Variants in PPM1E observed in about 807,000 individuals in gnomAD.
The protein encoded by PPM1E is protein phosphatase 1E.
PPM1E carries 20 observed loss-of-function variants against 65.9 expected under a neutral mutation model. The ratio of observed to expected loss-of-function variants is 0.30; its 90% CI spans 0.21 to 0.44. The LOEUF (loss-of-function observed/expected upper bound fraction) is 0.44. Among genes scored for constraint, PPM1E ranks in the 20% least tolerant of loss-of-function variants. PPM1E has a pLI of 1.00. For missense variants in PPM1E, 713 were observed against 953.1 expected, an observed-to-expected ratio of 0.75 and a Z score of 3.32; for synonymous variants, 352 against 374.9, an observed-to-expected ratio of 0.94 and a Z score of 0.70.
intron 1 of PPM1E, among the ~76,000 whole-genome samples, chr17:58,849,895 C>G (rs1293016588): frequency 6.6e-6 from 1 of 152,024 alleles, no homozygotes; most frequent in African/African-American, 2.4e-5. Flanking sequence ...TAAAGTCTCT[C>G]ATTATTGTGT....
intron 2 of PPM1E, among the ~76,000 whole-genome samples, chr17:58,964,534 T>C (rs937204543): frequency 1.6e-4 from 24 of 151,832 alleles, no homozygotes; most frequent in African/African-American, 5.3e-4. Context: ...ATAGGTGAAG[T>C]GGTAGACATA....
chr17:58,949,365 C>T (rs967300459), intron 1 of PPM1E, among the ~76,000 whole-genome samples: 23 of 152,184 alleles, frequency 1.5e-4, no homozygotes, highest in African/African-American at 5.5e-4. Flanking sequence ...TCCATCCCTT[C>T]ACTTTCAGTC....
chr17:58,853,375 C>T (rs1479109249), intron 1 of PPM1E, among the ~76,000 whole-genome samples: 2 of 152,084 alleles, frequency 1.3e-5, no homozygotes, highest in Non-Finnish European at 1.5e-5. Flanking sequence ...TATTTTTCTC[C>T]ACTGGATGGT....
At chr17:58,881,855 GAAAGA>G (rs757258249) in intron 1 of PPM1E, among the ~76,000 whole-genome samples, 63 of 151,316 alleles carry the variant, frequency 4.2e-4, no homozygotes, top group Non-Finnish European at 7.8e-4. Context: ...AAAAGAAAAG[GAAAGA>G]AAAGAAAAGA....
Position 58,981,135 on chromosome 17 carries a change from C to A in PPM1E, c.*104C>A. On this transcript the variant is annotated 3_prime_UTR_variant, in exon 7 of 7. Coordinates refer to ENST00000308249, the MANE Select transcript of PPM1E (RefSeq NM_014906.5). ...AAAACATATGTGCTTCATTATGAAT[C>A]CATGGATGGCTCAATTCTTAAATGT... 2 of 750,626 alleles carry A rather than the reference C, an allele frequency of 2.7e-6. No homozygotes were observed. The highest frequency in any genetic ancestry group is 2.0e-5 in the South Asian group (1 of 51,172). 46.5% of individuals were successfully genotyped at this position (750,626 alleles called of 1,614,324 possible). A position where few individuals can be genotyped will look rare whatever the true frequency, so the allele number is the denominator to read the frequency against.
chr17:58,820,027 A>G (rs958986548), intron 1 of PPM1E, among the ~76,000 whole-genome samples: 6 of 151,856 alleles, frequency 4.0e-5, no homozygotes, highest in Admixed American at 2.0e-4. Context: ...ACAAAGCCAG[A>G]CTCCATTTCA....
rs565115510 is a variant in PPM1E at position 58,813,163 on chromosome 17, T to C, written c.464+56702T>C. Among the ~76,000 whole-genome samples the C allele has an allele frequency of 2.0e-5, 3 of 152,342 alleles. No individual in the cohort carries two copies. In the South Asian group the frequency reaches 6.2e-4, roughly 32 times the overall value. ...CCCCTAAAGAAAACCCAGGATCTTT[T>C]ATGGCAGGCACTGTCTTCTACTTTT... On this transcript the variant is annotated intron_variant, in intron 1 of 6. Transcript: ENST00000308249.
intron 3 of PPM1E, among the ~76,000 whole-genome samples, chr17:58,967,867 G>A (rs912296409): frequency 4.6e-5 from 7 of 150,998 alleles, no homozygotes; most frequent in Admixed American, 2.0e-4. Context: ...GAAGTGGCGC[G>A]ATCTCGACTC....
In PPM1E at chr17:58,880,882, G is replaced by T. The variant is rs552296125; in HGVS notation, c.465-74767G>T. On this transcript the variant is annotated intron_variant, in intron 1 of 6. Transcript: ENST00000308249. ...AGCTCAAGCAATTTTTTTTTAAACTGGTGATGGTTCACAACTTGTGATACC... is the reference window on the plus strand; with the variant it reads ...AGCTCAAGCAATTTTTTTTTAAACTTGTGATGGTTCACAACTTGTGATACC... Among the ~76,000 whole-genome samples, 21 of 152,040 alleles carry T rather than the reference G, an allele frequency of 1.4e-4. No homozygotes were observed. In the East Asian group the frequency reaches 3.9e-3, roughly 28 times the overall value.
At chr17:58,964,015 A>G (rs748636909) in intron 2 of PPM1E, among the ~76,000 whole-genome samples, 6 of 152,260 alleles carry the variant, frequency 3.9e-5, no homozygotes, top group Admixed American at 6.5e-5. Flanking sequence ...CATTTAAAAA[A>G]TAATTTTGAA....
At chr17:58,883,053 C>T (rs1211840252) in intron 1 of PPM1E, among the ~76,000 whole-genome samples, 1 of 146,362 alleles carries the variant, frequency 6.8e-6, no homozygotes, top group Non-Finnish European at 1.5e-5. Context: ...CTCACGGGTT[C>T]AAGCAATTCT....
At chr17:58,779,856 TCTA>T (rs958782039) in intron 1 of PPM1E, among the ~76,000 whole-genome samples, 3 of 152,230 alleles carry the variant, frequency 2.0e-5, no homozygotes, top group African/African-American at 7.2e-5. Context: ...ATGTGATTAT[TCTA>T]CTACAACTTT....
At chr17:58,936,787 C>A (rs2051986722) in intron 1 of PPM1E, among the ~76,000 whole-genome samples, 1 of 152,102 alleles carries the variant, frequency 6.6e-6, no homozygotes, top group African/African-American at 2.4e-5. Flanking sequence ...TTATTATCAA[C>A]CCATGGTATT....
chr17:58,876,084 A>G (rs1423081810), intron 1 of PPM1E, among the ~76,000 whole-genome samples: 1 of 152,164 alleles, frequency 6.6e-6, no homozygotes, highest in African/African-American at 2.4e-5. Context: ...TGTATTATGA[A>G]CATAATTTTT....
chr17:58,967,318 TTATC>T (rs909608856), intron 3 of PPM1E, among the ~76,000 whole-genome samples: 5 of 152,238 alleles, frequency 3.3e-5, no homozygotes, highest in Admixed American at 6.5e-5. Context: ...AAATTGAAAA[TTATC>T]TAAATCATGA....
At chr17:58,899,329 AAAAAAAAC>A (rs1294402533) in intron 1 of PPM1E, 3 of 150,664 alleles carry the variant, frequency 2.0e-5, no homozygotes, top group Non-Finnish European at 4.4e-5. Flanking sequence ...GCCTGTCTCC[AAAAAAAAC>A]AAAAAAACAA....
At chr17:58,887,552 A>T (rs1567864784) in intron 1 of PPM1E, among the ~76,000 whole-genome samples, 1 of 152,346 alleles carries the variant, frequency 6.6e-6, no homozygotes, top group East Asian at 1.9e-4. Context: ...TTCTAGGCAG[A>T]GGAATCAATA....
At chr17:58,955,282 T>C (rs936101704) in intron 1 of PPM1E, among the ~76,000 whole-genome samples, 1 of 152,158 alleles carries the variant, frequency 6.6e-6, no homozygotes, top group African/African-American at 2.4e-5. Context: ...GGAGAATCGC[T>C]TGAACCCGGG....
At chr17:58,841,524 T>C (rs1480706143) in intron 1 of PPM1E, among the ~76,000 whole-genome samples, 2 of 150,304 alleles carry the variant, frequency 1.3e-5, no homozygotes, top group Admixed American at 1.3e-4. Flanking sequence ...ACAAATACTT[T>C]TTTTTTTTTT....
Sources: allele counts gnomAD v4.1 joint callset (sites outside exome capture counted in the v4.1 genomes callset), GRCh38; gene constraint gnomAD v4.1.1; transcripts MANE v1.5; gene names NCBI Gene and HGNC (gene_info 2026-07-23, HGNC 2026-07-21).